The following KCND2 variants were observed in gnomAD, a reference collection of about 807,000 sequenced individuals.
KCND2 encodes A-type voltage-gated potassium channel KCND2.
KCND2 carries 16 observed loss-of-function variants against 54.4 expected under a neutral mutation model. The ratio of observed to expected loss-of-function variants is 0.29; its 90% confidence interval spans 0.20 to 0.45. The LOEUF (loss-of-function observed/expected upper bound fraction) is 0.45. Ranked by LOEUF, KCND2 falls within the 20% of genes least tolerant of loss-of-function variation. The pLI is 1.00. For synonymous variants in KCND2, 317 were observed against 310.7 expected, an observed-to-expected ratio of 1.02 and a Z score of -0.21; for missense variants, 486 against 824.2, an observed-to-expected ratio of 0.59 and a Z score of 5.02.
chr7:120,652,160 C>T lies in KCND2; in HGVS notation c.1116-80743C>T, dbSNP rs1336429516. Among the ~76,000 whole-genome samples, 4 of 151,848 alleles carry T rather than the reference C, an allele frequency of 2.6e-5. No individual in the cohort carries two copies. The East Asian group carries it at 7.7e-4, about 29-fold the overall frequency. On this transcript the variant is annotated intron_variant, in intron 1 of 5. Coordinates refer to ENST00000331113, the MANE Select transcript of KCND2 (RefSeq NM_012281.3). ...GCACAGTCTTGGCTTACTCCAAACT[C>T]CGCCTCCCGGGTTCAAGTGATTCCC...
intron 1 of KCND2, among the ~76,000 whole-genome samples, chr7:120,489,035 A>G (rs1292945865): frequency 6.6e-6 from 1 of 152,012 alleles, no homozygotes; most frequent in Non-Finnish European, 1.5e-5. Flanking sequence ...TAGAATTACC[A>G]CTCTGCTAGA....
At chr7:120,738,595 A>G (rs1792902511) in intron 2 of KCND2, among the ~76,000 whole-genome samples, 1 of 152,028 alleles carries the variant, frequency 6.6e-6, no homozygotes, top group Non-Finnish European at 1.5e-5. Context: ...CATACAGCTA[A>G]AATAAAGTAC....
intron 1 of KCND2, among the ~76,000 whole-genome samples, chr7:120,283,580 A>G (rs1408905146): frequency 1.3e-5 from 2 of 152,186 alleles, no homozygotes; most frequent in Non-Finnish European, 2.9e-5. Context: ...AATAACACAA[A>G]TAAAACTAGT....
intron 1 of KCND2, among the ~76,000 whole-genome samples, chr7:120,701,240 T>TAAAAAAAAAAAAAAAAAAA (rs34803439): frequency 3.6e-5 from 2 of 55,098 alleles, no homozygotes; most frequent in African/African-American, 1.1e-4. Flanking sequence ...AATGCCTAGC[T>TAAAAAAAAAAAAAAAAAAA]AAAAAAAAAA....
At chr7:120,717,635 C>A (rs2116091479) in intron 1 of KCND2, among the ~76,000 whole-genome samples, 1 of 152,164 alleles carries the variant, frequency 6.6e-6, no homozygotes, top group African/African-American at 2.4e-5. Context: ...TCAGTATCAT[C>A]ATAGACAGCA....
chr7:120,413,466 TATATA>T (rs1183739950), intron 1 of KCND2, among the ~76,000 whole-genome samples: 29 of 152,012 alleles, frequency 1.9e-4, no homozygotes, highest in African/African-American at 7.0e-4. Flanking sequence ...TAATTTTTGA[TATATA>T]ATGTCAATAT....
intron 1 of KCND2, among the ~76,000 whole-genome samples, chr7:120,705,855 G>A (rs1209975147): frequency 6.6e-6 from 1 of 152,070 alleles, no homozygotes; most frequent in African/African-American, 2.4e-5. Flanking sequence ...CCCATAAGAT[G>A]TGTCCCTTTC....
intron 1 of KCND2, among the ~76,000 whole-genome samples, chr7:120,644,701 T>C (rs183677656): frequency 7.9e-5 from 12 of 152,320 alleles, no homozygotes; most frequent in Admixed American, 7.2e-4. Flanking sequence ...TTATATTTAC[T>C]GATAAATACT....
intron 1 of KCND2, among the ~76,000 whole-genome samples, chr7:120,374,998 C>T (rs1357892666): frequency 2.6e-5 from 4 of 151,888 alleles, no homozygotes; most frequent in Non-Finnish European, 4.4e-5. Flanking sequence ...ACAGTCTTCT[C>T]TCCATGAGAA....
chr7:120,402,089 TCA>T (rs1801265257), intron 1 of KCND2, among the ~76,000 whole-genome samples: 1 of 152,164 alleles, frequency 6.6e-6, no homozygotes, highest in African/African-American at 2.4e-5. Flanking sequence ...GAAAATGAGT[TCA>T]GAATGAAGCA....
intron 1 of KCND2, among the ~76,000 whole-genome samples, chr7:120,545,404 C>T (rs1792031147): frequency 6.6e-6 from 1 of 151,756 alleles, no homozygotes; most frequent in South Asian, 2.1e-4. Context: ...ATGCCTTATT[C>T]AGAAATAACA....
At chr7:120,583,268 C>T (rs2116446478) in intron 1 of KCND2, among the ~76,000 whole-genome samples, 1 of 152,056 alleles carries the variant, frequency 6.6e-6, no homozygotes, top group East Asian at 1.9e-4. Context: ...GCCAGTTTTG[C>T]TAATTCTTCT....
intron 1 of KCND2, among the ~76,000 whole-genome samples, chr7:120,420,843 A>G (rs1484697439): frequency 6.6e-6 from 1 of 152,212 alleles, no homozygotes; most frequent in African/African-American, 2.4e-5. Context: ...GAAAAGTATT[A>G]CCATCAGAAT....
intron 1 of KCND2, among the ~76,000 whole-genome samples, chr7:120,633,335 A>G (rs774302277): frequency 6.6e-6 from 1 of 152,180 alleles, no homozygotes; most frequent in Non-Finnish European, 1.5e-5. Flanking sequence ...CTCTTTACCA[A>G]TGGAGAGAAA....
chr7:120,282,549 A>G (rs996063820), intron 1 of KCND2, among the ~76,000 whole-genome samples: 6 of 152,164 alleles, frequency 3.9e-5, no homozygotes, highest in African/African-American at 1.2e-4. Flanking sequence ...GATCTAAATC[A>G]TTAAAAGTGT....
At chr7:120,592,751 AC>A (rs1191244154) in intron 1 of KCND2, among the ~76,000 whole-genome samples, 1 of 152,190 alleles carries the variant, frequency 6.6e-6, no homozygotes, top group Non-Finnish European at 1.5e-5. Context: ...GATTGTAAAG[AC>A]TAGTAAATAT....
Position 120,384,156 on chromosome 7 carries a change from A to G in KCND2, c.1115+108409A>G, listed in dbSNP as rs190003902. ...AATACGATGTAAACAGTTATGTTGCATTGTTTTCTTATTTGTATTTTTATT... is the reference window on the plus strand; with the variant it reads ...AATACGATGTAAACAGTTATGTTGCGTTGTTTTCTTATTTGTATTTTTATT... On this transcript the variant is annotated intron_variant, in intron 1 of 5. Transcript: ENST00000331113. Among the ~76,000 whole-genome samples, 10 of 152,006 alleles carry G rather than the reference A, an allele frequency of 6.6e-5. No individual in the cohort carries two copies. In the Middle Eastern group the frequency reaches 0.01, roughly 155 times the overall value.
At chr7:120,335,347 G>A in intron 1 of KCND2, among the ~76,000 whole-genome samples, 2 of 71,220 alleles carry the variant, frequency 2.8e-5, no homozygotes, top group East Asian at 4.6e-4. Flanking sequence ...GACAGAGCAA[G>A]ACTCTATCAA....
intron 1 of KCND2, among the ~76,000 whole-genome samples, chr7:120,432,383 A>G (rs1204303408): frequency 6.6e-6 from 1 of 152,138 alleles, no homozygotes; most frequent in Non-Finnish European, 1.5e-5. Context: ...AGAAAACATC[A>G]TATCAGTGTA....
Sources: gnomAD v4.1 joint callset for allele counts (sites outside exome capture counted in the v4.1 genomes callset) on GRCh38, gnomAD v4.1.1 for gene constraint, MANE v1.5 for transcripts, NCBI Gene and HGNC (gene_info 2026-07-23, HGNC 2026-07-21) for gene names.